Variants in SLC9A9 observed in about 807,000 individuals in gnomAD.
SLC9A9 encodes solute carrier family 9 member A9.
A neutral mutation model predicts 77.8 loss-of-function variants in SLC9A9; 62 were observed. The ratio of observed to expected loss-of-function variants is 0.80; its 90% CI spans 0.65 to 0.98. The LOEUF (loss-of-function observed/expected upper bound fraction) is 0.98. Ranked by LOEUF, SLC9A9 falls within the 50% of genes least tolerant of loss-of-function variation. SLC9A9 has a pLI of 0.00. For synonymous variants in SLC9A9, 320 were observed against 283.5 expected, an observed-to-expected ratio of 1.13 and a Z score of -1.29; for missense variants, 775 against 774.9, an observed-to-expected ratio of 1.00 and a Z score of 0.00.
chr3:143,697,379 T>C (rs1206358960), intron 4 of SLC9A9, among the ~76,000 whole-genome samples: 1 of 152,192 alleles, frequency 6.6e-6, no homozygotes, highest in African/African-American at 2.4e-5. Flanking sequence ...TCTGCATTTT[T>C]CCAGTTCTTT....
intron 9 of SLC9A9, among the ~76,000 whole-genome samples, chr3:143,530,237 T>A (rs1298341344): frequency 6.6e-6 from 1 of 152,314 alleles, no homozygotes; most frequent in East Asian, 1.9e-4. Flanking sequence ...ACAAATCTCA[T>A]CTTGTATTGA....
At chr3:143,474,215 T>C (rs1048867003) in intron 11 of SLC9A9, among the ~76,000 whole-genome samples, 1 of 152,096 alleles carries the variant, frequency 6.6e-6, no homozygotes, top group Non-Finnish European at 1.5e-5. Context: ...GGGAGCAGGA[T>C]AAACAGGGTG....
chr3:143,358,145 C>T (rs951228483), intron 14 of SLC9A9, among the ~76,000 whole-genome samples: 1 of 151,984 alleles, frequency 6.6e-6, no homozygotes, highest in Non-Finnish European at 1.5e-5. Flanking sequence ...GAAGTGGATT[C>T]CCAGTCTGCC....
At chr3:143,773,109 T>C (rs2007578842) in intron 4 of SLC9A9, among the ~76,000 whole-genome samples, 1 of 152,242 alleles carries the variant, frequency 6.6e-6, no homozygotes, top group Non-Finnish European at 1.5e-5. Flanking sequence ...GATCAATAAT[T>C]GTATTTTGCT....
intron 8 of SLC9A9, among the ~76,000 whole-genome samples, chr3:143,561,397 G>A (rs780620749): frequency 3.3e-5 from 5 of 151,976 alleles, no homozygotes; most frequent in Non-Finnish European, 7.4e-5. Context: ...TCAAGAAACT[G>A]GACAAGGGGC....
intron 1 of SLC9A9, among the ~76,000 whole-genome samples, chr3:143,837,795 A>G (rs2009606644): frequency 6.6e-6 from 1 of 152,212 alleles, no homozygotes; most frequent in African/African-American, 2.4e-5. Context: ...AGCTTCTTAG[A>G]AAGGTTTTCA....
intron 14 of SLC9A9, among the ~76,000 whole-genome samples, chr3:143,339,708 T>C (rs1034939457): frequency 6.6e-6 from 1 of 152,192 alleles, no homozygotes; most frequent in Admixed American, 6.5e-5. Flanking sequence ...AGAGCTATAC[T>C]CTGGAATACT....
At chr3:143,778,484 C>A (rs1447060599) in intron 4 of SLC9A9, among the ~76,000 whole-genome samples, 2 of 151,914 alleles carry the variant, frequency 1.3e-5, no homozygotes, top group African/African-American at 4.8e-5. Context: ...AATACAGGGG[C>A]AATGAAAGCA....
intron 5 of SLC9A9, among the ~76,000 whole-genome samples, chr3:143,677,037 G>A (rs1932908574): frequency 6.6e-6 from 1 of 152,134 alleles, no homozygotes; most frequent in Non-Finnish European, 1.5e-5. Context: ...TTTGACTCTC[G>A]CTTTGCCATT....
At chr3:143,675,370 C>T (rs2039220471) in intron 5 of SLC9A9, among the ~76,000 whole-genome samples, 1 of 152,220 alleles carries the variant, frequency 6.6e-6, no homozygotes, top group Non-Finnish European at 1.5e-5. Context: ...TATCTATATT[C>T]CTCCTGGCTT....
chr3:143,841,980 C>T (rs1050468995), intron 1 of SLC9A9, among the ~76,000 whole-genome samples: 1 of 152,144 alleles, frequency 6.6e-6, no homozygotes, highest in Non-Finnish European at 1.5e-5. Context: ...CTCTCGAACT[C>T]CTGACCTCAG....
chr3:143,302,743 C>T (rs1477505614), intron 14 of SLC9A9, among the ~76,000 whole-genome samples: 1 of 152,134 alleles, frequency 6.6e-6, no homozygotes, highest in Non-Finnish European at 1.5e-5. Context: ...AGAATGACTG[C>T]GTTTGACGAG....
At chr3:143,594,399 A>T (rs192937241) in intron 6 of SLC9A9, among the ~76,000 whole-genome samples, 6 of 152,300 alleles carry the variant, frequency 3.9e-5, no homozygotes, top group African/African-American at 1.4e-4. Context: ...TATGTATCTT[A>T]TTTACATTAT....
intron 14 of SLC9A9, among the ~76,000 whole-genome samples, chr3:143,283,054 A>G (rs1263410012): frequency 6.6e-6 from 1 of 152,194 alleles, no homozygotes; most frequent in Non-Finnish European, 1.5e-5. Flanking sequence ...GAGCTCCTTG[A>G]GGGAGGGGCA....
At chr3:143,356,038 G>A (rs1421549856) in intron 14 of SLC9A9, among the ~76,000 whole-genome samples, 1 of 152,166 alleles carries the variant, frequency 6.6e-6, no homozygotes, top group East Asian at 1.9e-4. Context: ...CAAAGCTTAT[G>A]TAGAATCCCA....
intron 9 of SLC9A9, among the ~76,000 whole-genome samples, chr3:143,521,528 C>T (rs1033445152): frequency 7.9e-5 from 12 of 152,060 alleles, no homozygotes; most frequent in Non-Finnish European, 1.6e-4. Flanking sequence ...ATTTTGTTTA[C>T]TATTGATATA....
intron 2 of SLC9A9, among the ~76,000 whole-genome samples, chr3:143,801,069 C>A (rs1028773343): frequency 2.6e-5 from 4 of 152,132 alleles, no homozygotes; most frequent in African/African-American, 9.7e-5. Context: ...CAAAAGGAAA[C>A]CTAGCTGACC....
intron 2 of SLC9A9, among the ~76,000 whole-genome samples, chr3:143,817,196 C>T (rs1267635208): frequency 1.3e-5 from 2 of 148,158 alleles, no homozygotes; most frequent in African/African-American, 5.0e-5. Context: ...GGCCGGACTG[C>T]GGACTGCAGT....
At chr3:143,376,402 G>T (rs1477343142) in intron 13 of SLC9A9, among the ~76,000 whole-genome samples, 1 of 152,200 alleles carries the variant, frequency 6.6e-6, no homozygotes, top group Non-Finnish European at 1.5e-5. Context: ...GCCCATCACT[G>T]GTTTGTTGTC....
Sources: allele counts gnomAD v4.1 joint callset (sites outside exome capture counted in the v4.1 genomes callset), GRCh38; gene constraint gnomAD v4.1.1; transcripts MANE v1.5; gene names NCBI Gene and HGNC (gene_info 2026-07-23, HGNC 2026-07-21).